Variants in TNRC18 observed in about 807,000 individuals in gnomAD.
TNRC18 encodes trinucleotide repeat-containing gene 18 protein.
A neutral mutation model predicts 226.7 loss-of-function variants in TNRC18; 69 were observed. That is an observed-to-expected ratio of 0.30 (90% CI 0.25 to 0.37). The LOEUF (loss-of-function observed/expected upper bound fraction) is 0.37, where lower values mean the gene tolerates loss of function less well. TNRC18 is among the 10% of genes least tolerant of loss of function. The pLI is 1.00. For synonymous variants in TNRC18, 2,449 were observed against 1,927.6 expected, an observed-to-expected ratio of 1.27 and a Z score of -7.09; for missense variants, 4,754 against 4,256.6, an observed-to-expected ratio of 1.12 and a Z score of -3.25.
At chr7:5,350,690 G>A (rs1296084921) in intron 17 of TNRC18, among the ~76,000 whole-genome samples, 2 of 152,194 alleles carry the variant, frequency 1.3e-5, no homozygotes, top group Non-Finnish European at 2.9e-5. Context: ...GGCCCAAAAG[G>A]CTCACACACA....
chr7:5,368,512 A>G, intron 11 of TNRC18, among the ~76,000 whole-genome samples: 1 of 151,754 alleles, frequency 6.6e-6, no homozygotes, highest in East Asian at 1.9e-4. Flanking sequence ...AAAATACAAA[A>G]AGATAGCCAG....
chr7:5,349,132 C>T (rs1188174510), intron 17 of TNRC18, among the ~76,000 whole-genome samples: 1 of 152,224 alleles, frequency 6.6e-6, no homozygotes, highest in Non-Finnish European at 1.5e-5. Flanking sequence ...GCAACGTCCA[C>T]GCCAGAGCCC....
At chr7:5,325,454 C>T (rs1261781090) in intron 19 of TNRC18, 10 of 545,044 alleles carry the variant, frequency 1.8e-5, no homozygotes, top group Admixed American at 1.5e-4. Context: ...GACGGAGTCT[C>T]GCTCTGTCAC....
chr7:5,384,540 A>C (rs376253735), intron 5 of TNRC18, among the ~76,000 whole-genome samples: 35 of 151,302 alleles, frequency 2.3e-4, no homozygotes, highest in African/African-American at 8.5e-4. Flanking sequence ...CCCCCACACA[A>C]ACACACGCAC....
chr7:5,370,742 C>G lies in TNRC18; in HGVS notation c.3852G>C (p.Pro1284=). Residue 1284 remains proline (P), a synonymous_variant, in exon 11 of 30, where the codon CCG becomes CCC. Transcript: ENST00000430969. ...TTTCTAGGGTGGGCTGGGACTCGCT[C>G]GGTGCCACCTGCGCCAGGCCTTCCT... ...VPEEGLAQVA[P]SESQPTLEMS... is the part of the protein sequence containing the mutation. 1.9e-6 allele frequency: 3 copies of G among 1,605,002 alleles called. No individual in the cohort carries two copies. Among genetic ancestry groups the G allele is most frequent in the Non-Finnish European group, 1.7e-6 (2 of 1,176,506 alleles).
intron 16 of TNRC18, among the ~76,000 whole-genome samples, chr7:5,356,560 G>A (rs568507881): frequency 6.6e-5 from 10 of 152,334 alleles, no homozygotes; most frequent in Admixed American, 1.3e-4. Context: ...CCAAACAGCC[G>A]CAAACTCTAT....
At chr7:5,351,754 C>A in intron 17 of TNRC18, 65 bp downstream of exon 17, 1 of 1,475,710 alleles carries the variant, frequency 6.8e-7, no homozygotes, top group Non-Finnish European at 9.0e-7. Context: ...GCTTCCCTCT[C>A]GCTCACTCGC....
chr7:5,401,227 C>CGGGGGGGGG (rs201235774), intron 2 of TNRC18, among the ~76,000 whole-genome samples: 1 of 28,132 alleles, frequency 3.6e-5, no homozygotes, highest in Non-Finnish European at 6.2e-5. Flanking sequence ...TGGTTCGAGT[C>CGGGGGGGGG]GGGGGGGGGC....
chr7:5,335,181 T>C (rs751260612), intron 18 of TNRC18, among the ~76,000 whole-genome samples: 15 of 150,230 alleles, frequency 1.0e-4, no homozygotes, highest in Admixed American at 2.0e-4. Context: ...CGGGTGCCTA[T>C]AGTCCCAGCT....
chr7:5,366,426 A>G (rs6966951), intron 11 of TNRC18, among the ~76,000 whole-genome samples: 110,675 of 149,450 alleles, frequency 0.74, 41,829 homozygotes, highest in African/African-American at 0.91. Flanking sequence ...TCCTGGATTC[A>G]AGCAATTCTG....
chr7:5,323,240 A>ACC (rs1156654473), intron 21 of TNRC18, among the ~76,000 whole-genome samples: 1 of 151,628 alleles, frequency 6.6e-6, no homozygotes, highest in Non-Finnish European at 1.5e-5. Flanking sequence ...TGGGCTACAG[A>ACC]CCCCTGGGTC....
At chr7:5,413,997 G>A (rs1584120193) in intron 2 of TNRC18, among the ~76,000 whole-genome samples, 1 of 152,054 alleles carries the variant, frequency 6.6e-6, no homozygotes, top group East Asian at 1.9e-4. Context: ...CTGTCTCCCA[G>A]GCTGGAGTGC....
At position 5,388,142 on chromosome 7, in the gene TNRC18, G is replaced by A. The variant is rs773137136; in HGVS notation, c.1682C>T (p.Ser561Leu). 5.8e-6 allele frequency: 9 copies of A among 1,560,934 alleles called. No individual in the cohort carries two copies. Among genetic ancestry groups the A allele is most frequent in the Admixed American group, 1.9e-5 (1 of 52,378 alleles). The change falls in exon 5 of 30, where the codon TCG becomes TTG. Residue 561 changes from serine to leucine, a missense_variant. Transcript: ENST00000430969. ...YLDPGAVLPRSAATCGRPVAD... is the reference protein window; with the variant it reads ...YLDPGAVLPRLAATCGRPVAD... ...GACCGGCCGGCCGCAGGTGGCCGCC[G>A]AGCGGGGCAGCACAGCCCCAGGGTC... is the stretch of plus-strand genomic sequence containing the variant.
chr7:5,398,181 T>G (rs2128206375), intron 2 of TNRC18, among the ~76,000 whole-genome samples: 1 of 151,822 alleles, frequency 6.6e-6, no homozygotes. Context: ...AAATTTTTTT[T>G]TTTTTGAGAT....
chr7:5,322,383 G>A (rs943404351), intron 21 of TNRC18, among the ~76,000 whole-genome samples: 1 of 152,028 alleles, frequency 6.6e-6, no homozygotes, highest in Non-Finnish European at 1.5e-5. Context: ...ACTGCAGCCT[G>A]GAACTCCTGG....
intron 24 of TNRC18, among the ~76,000 whole-genome samples, chr7:5,318,408 G>A (rs1473047222): frequency 2.0e-5 from 3 of 152,062 alleles, no homozygotes; most frequent in Non-Finnish European, 2.9e-5. Context: ...CTCTCCATAA[G>A]TTGAACAAAA....
chr7:5,413,081 T>TG (rs1265600655), intron 2 of TNRC18, among the ~76,000 whole-genome samples: 1 of 152,128 alleles, frequency 6.6e-6, no homozygotes, highest in Non-Finnish European at 1.5e-5. Context: ...CAGCAGGCCC[T>TG]GGGGAGGCCC....
chr7:5,346,308 G>C (rs1791192367), intron 17 of TNRC18, among the ~76,000 whole-genome samples: 1 of 152,200 alleles, frequency 6.6e-6, no homozygotes, highest in Non-Finnish European at 1.5e-5. Flanking sequence ...CTGAGGGCTG[G>C]CGGCAGGAGA....
At chr7:5,403,923 T>C (rs2128211806) in intron 2 of TNRC18, among the ~76,000 whole-genome samples, 1 of 151,960 alleles carries the variant, frequency 6.6e-6, no homozygotes, top group African/African-American at 2.4e-5. Flanking sequence ...GTAACATAGG[T>C]GTTTCCGAGA....
Sources: gnomAD v4.1 joint callset for allele counts (sites outside exome capture counted in the v4.1 genomes callset) on GRCh38, gnomAD v4.1.1 for gene constraint, MANE v1.5 for transcripts, NCBI Gene and HGNC (gene_info 2026-07-23, HGNC 2026-07-21) for gene names.